Variants in PCTP observed in about 807,000 individuals in gnomAD.
The protein encoded by PCTP is START domain-containing protein 2.
Under a neutral mutation model 31.0 loss-of-function variants are expected in PCTP, and 27 were observed. That is an observed-to-expected ratio of 0.87 (90% CI 0.64 to 1.20). The LOEUF is 1.20. PCTP is among the 50% of genes most tolerant of loss of function. The pLI, the probability that PCTP is intolerant of heterozygous loss-of-function variation, is 0.00. For synonymous variants in PCTP, 108 were observed against 101.2 expected (o/e 1.07, Z -0.40); for missense variants, 287 against 268.2 (o/e 1.07, Z -0.49).
intron 1 of PCTP, among the ~76,000 whole-genome samples, chr17:55,763,082 G>A (rs1567712220): frequency 6.6e-6 from 1 of 152,152 alleles, no homozygotes; most frequent in African/African-American, 2.4e-5. Context: ...GGAGCTTCAG[G>A]AAAAGCCAAG....
chr17:55,768,171 A>G (rs1205377780), intron 2 of PCTP, among the ~76,000 whole-genome samples: 1 of 151,964 alleles, frequency 6.6e-6, no homozygotes, highest in Non-Finnish European at 1.5e-5. Flanking sequence ...AGTGCTTCCT[A>G]TTAAATTTTG....
At chr17:55,825,266 C>G (rs939384101), downstream of PCTP, among the ~76,000 whole-genome samples, 7 of 152,220 alleles carry the variant, frequency 4.6e-5, no homozygotes, top group African/African-American at 1.7e-4. Flanking sequence ...ATTCTTTTCC[C>G]TTTAAAATTT....
intron 3 of PCTP, among the ~76,000 whole-genome samples, chr17:55,809,651 T>G (rs1459386963): frequency 1.3e-5 from 2 of 151,806 alleles, no homozygotes; most frequent in Non-Finnish European, 2.9e-5. Context: ...GCCTCCTGAG[T>G]AGCTGGGATT....
At chr17:55,808,670 T>G (rs186818965) in intron 3 of PCTP, among the ~76,000 whole-genome samples, 16 of 152,322 alleles carry the variant, frequency 1.1e-4, no homozygotes, top group Non-Finnish European at 1.9e-4. Flanking sequence ...CGTACTCTTT[T>G]CTCTCTGTCC....
intron 1 of PCTP, among the ~76,000 whole-genome samples, chr17:55,758,958 A>T (rs778636765): frequency 9.2e-5 from 14 of 152,328 alleles, no homozygotes; most frequent in Middle Eastern, 3.4e-3. Context: ...TGGCGATTAC[A>T]GGAGGTGGCT....
rs1567707627 is a variant in PCTP at position 55,751,200 on chromosome 17, C to A, written c.97C>A (p.Leu33Ile). 6.5e-7 allele frequency: 1 copy of A among 1,548,626 alleles called. No individual in the cohort carries two copies. Among genetic ancestry groups the A allele is most frequent in the Non-Finnish European group, 8.7e-7 (1 of 1,146,162 alleles). Reference protein sequence around the residue: ...PALAGADWQLLVETSGISIYR... With the variant: ...PALAGADWQLIVETSGISIYR... ...TCTGGCCGGGGCCGACTGGCAGCTC[C>A]TAGTGGAGACCTCGGGCATCAGCAT... Residue 33 changes from leucine (L) to isoleucine (I), a missense_variant, in exon 1 of 6, where the codon CTA becomes ATA. Physicochemically the swap from Leu to Ile is conservative, Grantham distance 5. Coordinates refer to ENST00000268896, the MANE Select transcript of PCTP (RefSeq NM_021213.4).
intron 2 of PCTP, among the ~76,000 whole-genome samples, chr17:55,784,351 G>T (rs1911672998): frequency 6.6e-6 from 1 of 152,114 alleles, no homozygotes; most frequent in Non-Finnish European, 1.5e-5. Flanking sequence ...ACACAGTCAG[G>T]ATTGCGTCCA....
chr17:55,775,516 G>A (rs1010063159), intron 5 of PCTP: 2 of 1,185,916 alleles, frequency 1.7e-6, no homozygotes, highest in African/African-American at 3.2e-5. Flanking sequence ...TTTATTTAAG[G>A]AAGCCATGCA....
chr17:55,759,065 G>C (rs758208650), intron 1 of PCTP, among the ~76,000 whole-genome samples: 2 of 152,194 alleles, frequency 1.3e-5, no homozygotes, highest in Non-Finnish European at 2.9e-5. Context: ...CTGAATGCTT[G>C]GACATAATAC....
intron 3 of PCTP, 101 bp downstream of exon 3, chr17:55,771,286 C>A: frequency 1.1e-6 from 1 of 871,352 alleles, no homozygotes; most frequent in Non-Finnish European, 1.9e-6. Context: ...TCTCAGCAGG[C>A]ACAGATAACA....
chr17:55,824,876 G>A (rs1905347694), downstream of PCTP, among the ~76,000 whole-genome samples: 2 of 152,152 alleles, frequency 1.3e-5, no homozygotes, highest in South Asian at 4.1e-4. Flanking sequence ...CCTTTTTAAT[G>A]TTTCAATCTT....
chr17:55,794,890 A>G (rs1386057383), intron 3 of PCTP, among the ~76,000 whole-genome samples: 4 of 151,982 alleles, frequency 2.6e-5, no homozygotes, highest in African/African-American at 7.2e-5. Context: ...TCTTACCACA[A>G]GAATCCCAGA....
downstream of PCTP, among the ~76,000 whole-genome samples, chr17:55,780,565 A>C (rs1274772003): frequency 6.6e-6 from 1 of 152,234 alleles, no homozygotes; most frequent in Non-Finnish European, 1.5e-5. Flanking sequence ...ATAATTCCTG[A>C]ATGGAAGAAT....
chr17:55,771,539 G>A (rs1268596971), intron 3 of PCTP, among the ~76,000 whole-genome samples: 1 of 152,168 alleles, frequency 6.6e-6, no homozygotes, highest in Non-Finnish European at 1.5e-5. Flanking sequence ...TCTACAGAAG[G>A]AAAAAGGGCT....
intron 5 of PCTP, among the ~76,000 whole-genome samples, chr17:55,832,898 A>G (rs34688337): frequency 0.17 from 26,102 of 152,164 alleles, 2,389 homozygotes; most frequent in Middle Eastern, 0.26. Context: ...AATGGTTGCA[A>G]AAACTTCAGC....
In PCTP at chr17:55,772,987, C is replaced by G. The variant is rs1027770994; in HGVS notation, c.340-737C>G. Among the ~76,000 whole-genome samples the G allele has an allele frequency of 3.3e-5, 5 of 152,258 alleles. No individual in the cohort carries two copies. The South Asian group carries it at 1.0e-3, about 32-fold the overall frequency. On this transcript the variant is annotated intron_variant, in intron 3 of 5. Transcript: ENST00000268896. Reference sequence around the variant, plus strand: ...TGCATGATGTTACATGATAAAGGCTCGATAAGTAGTGATTCCTGTTGTTTC... The same window carrying G: ...TGCATGATGTTACATGATAAAGGCTGGATAAGTAGTGATTCCTGTTGTTTC...
chr17:55,808,566 G>A (rs1220665351), intron 3 of PCTP, among the ~76,000 whole-genome samples: 3 of 152,100 alleles, frequency 2.0e-5, no homozygotes, highest in Non-Finnish European at 4.4e-5. Flanking sequence ...ATTATGAGAA[G>A]CACATGTGGC....
At chr17:55,815,274 T>TG in intron 3 of PCTP, among the ~76,000 whole-genome samples, 1 of 152,362 alleles carries the variant, frequency 6.6e-6, no homozygotes, top group Non-Finnish European at 1.5e-5. Context: ...ATTGGAAATT[T>TG]GGGGAAATAA....
At position 55,776,690 on chromosome 17, in the gene PCTP, C is replaced by T. The variant is rs2144976952; in HGVS notation, c.*590C>T. ...GATTTGAGGTGATAATCCAGTAAGT[C>T]TTTCCTCGTTCCTACTTGTGGAGGA... On this transcript the variant is annotated 3_prime_UTR_variant, in exon 6 of 6. Coordinates refer to ENST00000268896, the MANE Select transcript of PCTP (RefSeq NM_021213.4). 1.6e-6 allele frequency: 2 copies of T among 1,219,650 alleles called. No individual in the cohort carries two copies. Among genetic ancestry groups the T allele is most frequent in the Non-Finnish European group, 2.0e-6 (2 of 980,690 alleles). 75.6% of individuals were successfully genotyped at this position (1,219,650 alleles called of 1,614,324 possible). A position where few individuals can be genotyped will look rare whatever the true frequency, so the allele number is the denominator to read the frequency against.
Sources: allele counts gnomAD v4.1 joint callset (sites outside exome capture counted in the v4.1 genomes callset), GRCh38; gene constraint gnomAD v4.1.1; transcripts MANE v1.5; gene names NCBI Gene and HGNC (gene_info 2026-07-23, HGNC 2026-07-21).